The following FBH1 variants were observed in gnomAD, a reference collection of about 807,000 sequenced individuals.
FBH1 encodes the protein DNA 3'-5' helicase 1.
Under a neutral mutation model 115.5 loss-of-function variants are expected in FBH1, and 43 were observed. That is an observed-to-expected ratio of 0.37 (90% CI 0.29 to 0.48). FBH1 has a LOEUF of 0.48. Ranked by LOEUF, FBH1 falls within the 20% of genes least tolerant of loss-of-function variation. FBH1 has a pLI of 0.99. For synonymous variants in FBH1, 524 were observed against 507.8 expected, an observed-to-expected ratio of 1.03 and a Z score of -0.43; for missense variants, 1,001 against 1,337.3, an observed-to-expected ratio of 0.75 and a Z score of 3.92.
At position 5,895,021 on chromosome 10, in the gene FBH1, T is replaced by C. The variant is rs1303626875; in HGVS notation, c.1+4675T>C. 1 of 1,598,380 alleles carries C rather than the reference T, an allele frequency of 6.3e-7. No individual in the cohort carries two copies. The highest frequency in any genetic ancestry group is 2.3e-5 in the East Asian group (1 of 44,420). On this transcript the variant is annotated intron_variant, in intron 1 of 20. Coordinates refer to ENST00000362091, the MANE Select transcript of FBH1 (RefSeq NM_178150.3). The surrounding 1 kb of genome is among the most constrained non-coding windows in gnomAD (Gnocchi z 5.0). Reference sequence around the variant, plus strand: ...GTGCTGGAGTTGAGAGATAACACAGTTAACTGTTGAAATTGGGCCATTCCC... The same window carrying C: ...GTGCTGGAGTTGAGAGATAACACAGCTAACTGTTGAAATTGGGCCATTCCC...
chr10:5,936,598 T>C lies in FBH1; in HGVS notation c.2961+11T>C. The stretch of plus-strand genomic sequence containing the variant: ...CTGCCCATCACCTATGTACGTCTGC[T>C]GTCTGTGGAACTTAATTCAGCCATT... On this transcript the variant is annotated intron_variant, in intron 20 of 20. Coordinates refer to ENST00000362091, the MANE Select transcript of FBH1 (RefSeq NM_178150.3). This position sits in a 1 kb window ranked among gnomAD's most constrained non-coding sequence, Gnocchi z 5.6. The C allele has an allele frequency of 6.2e-7, 1 of 1,613,124 alleles. No individual in the cohort carries two copies.
chr10:5,924,242 C>G lies in FBH1; in HGVS notation c.2399-69C>G. 1 of 1,510,080 alleles carries G rather than the reference C, an allele frequency of 6.6e-7. No individual in the cohort carries two copies. Among genetic ancestry groups the G allele is most frequent in the Non-Finnish European group, 9.2e-7 (1 of 1,092,518 alleles). The allele number at this position is 1,510,080 out of a possible 1,614,324, so 93.5% of individuals were successfully genotyped here. ...CTGCTCTTGCGCAGCTGCTTAGGAA[C>G]GTGCAGCACCTGCCACCATCTGTTA... On this transcript the variant is annotated intron_variant, in intron 16 of 20. Transcript: ENST00000362091. The surrounding 1 kb of genome is among the most constrained non-coding windows in gnomAD (Gnocchi z 6.2).
In FBH1 at chr10:5,933,937, C is replaced by T. The variant is rs1261815675; in HGVS notation, c.2830-2519C>T. ...AAAGTGTTGGGATTATAGGCGTGAG[C>T]CACCATGTCCAGCCTTTTTTGTTGT... is the stretch of plus-strand genomic sequence containing the variant. On this transcript the variant is annotated intron_variant, in intron 19 of 20. Coordinates refer to ENST00000362091, the MANE Select transcript of FBH1 (RefSeq NM_178150.3). This position sits in a 1 kb window ranked among gnomAD's most constrained non-coding sequence, Gnocchi z 4.9. Among the ~76,000 whole-genome samples, 1 of 152,194 alleles carries T rather than the reference C, an allele frequency of 6.6e-6. No individual in the cohort carries two copies. Among genetic ancestry groups the T allele is most frequent in the Non-Finnish European group, 1.5e-5 (1 of 68,038 alleles).
At chr10:5,891,656 G>A (rs1169579698) in intron 1 of FBH1, among the ~76,000 whole-genome samples, 2 of 152,168 alleles carry the variant, frequency 1.3e-5, no homozygotes, top group Non-Finnish European at 2.9e-5. Flanking sequence ...GTTGCTCCGG[G>A]TGGAGTGCAG....
At chr10:5,919,024 G>C (rs1486164358) in intron 13 of FBH1, among the ~76,000 whole-genome samples, 1 of 152,216 alleles carries the variant, frequency 6.6e-6, no homozygotes, top group Non-Finnish European at 1.5e-5. Flanking sequence ...AGCCAAGACA[G>C]TATATCTCAG....
chr10:5,916,879 C>T (rs1335579266), intron 10 of FBH1, among the ~76,000 whole-genome samples: 2 of 152,162 alleles, frequency 1.3e-5, no homozygotes, highest in African/African-American at 4.8e-5. Flanking sequence ...CACTGGTGAC[C>T]ATCTCACTTA....
In FBH1 at chr10:5,931,809, T is replaced by C. The variant is rs1320931801; in HGVS notation, c.2829+4268T>C. Among the ~76,000 whole-genome samples the C allele has an allele frequency of 1.3e-5, 2 of 152,246 alleles. No individual in the cohort carries two copies. Among genetic ancestry groups the C allele is most frequent in the African/African-American group, 4.8e-5 (2 of 41,474 alleles). On this transcript the variant is annotated intron_variant, in intron 19 of 20. Coordinates refer to ENST00000362091, the MANE Select transcript of FBH1 (RefSeq NM_178150.3). The surrounding 1 kb of genome is among the most constrained non-coding windows in gnomAD (Gnocchi z 4.3). ...GTTGCTTTGCTTCTTTTTGATTTAATGATCTTTCTTGATGTGTAAGGCCTG... is the reference window on the plus strand; with the variant it reads ...GTTGCTTTGCTTCTTTTTGATTTAACGATCTTTCTTGATGTGTAAGGCCTG...
upstream of FBH1, chr10:5,890,227 G>C (rs1288112809): frequency 2.8e-6 from 1 of 355,462 alleles, no homozygotes; most frequent in African/African-American, 2.2e-5. Context: ...AAGTCGGCGG[G>C]CGTCTCGGGC....
Position 5,918,227 on chromosome 10 carries a change from A to C in FBH1, c.1964-115A>C. The C allele has an allele frequency of 7.7e-7, 1 of 1,295,906 alleles. No homozygotes were observed. The highest frequency in any genetic ancestry group is 1.4e-5 in the South Asian group (1 of 72,742). The allele number at this position is 1,295,906 out of a possible 1,614,324, so 80.3% of individuals were successfully genotyped here. On this transcript the variant is annotated intron_variant, in intron 12 of 20. Coordinates refer to ENST00000362091, the MANE Select transcript of FBH1 (RefSeq NM_178150.3). The surrounding 1 kb of genome is among the most constrained non-coding windows in gnomAD (Gnocchi z 4.0). ...TGTGCCTGTCCTACAGGAAAAGGCG[A>C]CCGTGAGGTCCAGTGTGCCCTGGCT...
chr10:5,914,886 C>T lies in FBH1; in HGVS notation c.1397-517C>T, dbSNP rs1403753483. Among the ~76,000 whole-genome samples the T allele has an allele frequency of 6.6e-6, 1 of 152,138 alleles. No homozygotes were observed. The highest frequency in any genetic ancestry group is 1.5e-5 in the Non-Finnish European group (1 of 68,034). On this transcript the variant is annotated intron_variant, in intron 8 of 20. Coordinates refer to ENST00000362091, the MANE Select transcript of FBH1 (RefSeq NM_178150.3). The surrounding 1 kb of genome is among the most constrained non-coding windows in gnomAD (Gnocchi z 5.2). ...TTTTGAATGCCTGCAGTGTGCTTGG[C>T]ATTGTGCTGATCCTGATAGCATTCC... is the stretch of plus-strand genomic sequence containing the variant.
chr10:5,916,225 G>A lies in FBH1; in HGVS notation c.1566-9G>A, dbSNP rs1415391068. 1.2e-6 allele frequency: 2 copies of A among 1,612,756 alleles called. No homozygotes were observed. The highest frequency in any genetic ancestry group is 1.7e-6 in the Non-Finnish European group (2 of 1,178,992). On this transcript the variant is annotated splice_polypyrimidine_tract_variant and intron_variant, in intron 9 of 20. Transcript: ENST00000362091. ...GCCACGTGCTGTTCATTTGGGATGG[G>A]TATTGCAGGTACCAGTCAAAGAAGA...
chr10:5,937,439 A>C lies in FBH1; in HGVS notation c.*159A>C, dbSNP rs1589130113. 1.5e-6 allele frequency: 1 copy of C among 670,782 alleles called. No homozygotes were observed. Among genetic ancestry groups the C allele is most frequent in the Non-Finnish European group, 2.2e-6 (1 of 453,390 alleles). The allele number at this position is 670,782 out of a possible 1,614,324, so 41.6% of individuals were successfully genotyped here. On this transcript the variant is annotated 3_prime_UTR_variant, in exon 21 of 21. Transcript: ENST00000362091. ...CCCAAGCTGGACCTGCCATTTCTCC[A>C]CTCCCTACAGACAGCCAGTCTCCAC... is the stretch of plus-strand genomic sequence containing the variant.
In FBH1 at chr10:5,921,533, G is replaced by T; in HGVS notation, c.2286G>T (p.Thr762=). ...ANVFDEAVRV[T]EGEFPSRIHL... is the part of the protein sequence containing the mutation. ...TGTTTGATGAGGCCGTACGGGTGAC[G>T]GAAGGGGAATTCCCTTCAAGGATAC... Residue 762 remains threonine (T), a synonymous_variant, in exon 15 of 21, where the codon ACG becomes ACT. Transcript: ENST00000362091. This position sits in a 1 kb window ranked among gnomAD's most constrained non-coding sequence, Gnocchi z 6.4. 1 of 1,594,854 alleles carries T rather than the reference G, an allele frequency of 6.3e-7. No individual in the cohort carries two copies. Among genetic ancestry groups the T allele is most frequent in the South Asian group, 1.1e-5 (1 of 87,106 alleles).
At chr10:5,901,496 T>G (rs960421505) in intron 1 of FBH1, among the ~76,000 whole-genome samples, 1 of 151,932 alleles carries the variant, frequency 6.6e-6, no homozygotes, top group African/African-American at 2.4e-5. Context: ...AATATGATAC[T>G]GGTAGAACCT....
At chr10:5,905,177 A>G (rs1010031894) in intron 2 of FBH1, 7 of 152,252 alleles carry the variant, frequency 4.6e-5, no homozygotes, top group Admixed American at 2.0e-4. Context: ...CTGAGTCCCG[A>G]CTTTTTATTT....
Position 5,903,000 on chromosome 10 carries a change from T to C in FBH1, c.2-20T>C, listed in dbSNP as rs1289988520. ...TAACTAATGAATATCCCCTTTCTTC[T>C]ACCTGCTGGTATGAAACAGTGAGAC... On this transcript the variant is annotated intron_variant, in intron 1 of 20. Coordinates refer to ENST00000362091, the MANE Select transcript of FBH1 (RefSeq NM_178150.3). 6.3e-7 allele frequency: 1 copy of C among 1,589,960 alleles called. No homozygotes were observed. The highest frequency in any genetic ancestry group is 1.7e-5 in the Admixed American group (1 of 57,638).
In FBH1 at chr10:5,937,410, C is replaced by G; in HGVS notation, c.*130C>G. 1 of 1,036,038 alleles carries G rather than the reference C, an allele frequency of 9.7e-7. No homozygotes were observed. Among genetic ancestry groups the G allele is most frequent in the Non-Finnish European group, 1.3e-6 (1 of 768,086 alleles). 64.2% of individuals were successfully genotyped at this position (1,036,038 alleles called of 1,614,324 possible). A position where few individuals can be genotyped will look rare whatever the true frequency, so the allele number is the denominator to read the frequency against. On this transcript the variant is annotated 3_prime_UTR_variant, in exon 21 of 21. Transcript: ENST00000362091. Reference sequence around the variant, plus strand: ...ACAGCACTTTCTGAGGAAGAGGACACCAGCCCAAGCTGGACCTGCCATTTC... The same window carrying G: ...ACAGCACTTTCTGAGGAAGAGGACAGCAGCCCAAGCTGGACCTGCCATTTC...
intron 2 of FBH1, among the ~76,000 whole-genome samples, chr10:5,904,308 C>T (rs773529656): frequency 6.6e-6 from 1 of 152,228 alleles, no homozygotes; most frequent in Non-Finnish European, 1.5e-5. Flanking sequence ...GCCAGGATTA[C>T]AGGTGCGAGC....
rs1051359388 is a variant in FBH1, at chr10:5,921,951, A to G, written c.2322+382A>G. ...ACCTAGGCTCTAGTTCTGACTGGTC[A>G]CTAACCGTGTGTGGCTTGGGGCAAG... On this transcript the variant is annotated intron_variant, in intron 15 of 20. Coordinates refer to ENST00000362091, the MANE Select transcript of FBH1 (RefSeq NM_178150.3). The surrounding 1 kb of genome is among the most constrained non-coding windows in gnomAD (Gnocchi z 6.4). Among the ~76,000 whole-genome samples the G allele has an allele frequency of 2.6e-5, 4 of 152,226 alleles. No homozygotes were observed. Among genetic ancestry groups the G allele is most frequent in the Non-Finnish European group, 5.9e-5 (4 of 68,034 alleles).
Sources: gnomAD v4.1 joint callset for allele counts (sites outside exome capture counted in the v4.1 genomes callset) on GRCh38, gnomAD v4.1.1 for gene constraint, Gnocchi (gnomAD v3.1) non-coding constraint, MANE v1.5 for transcripts, NCBI Gene and HGNC (gene_info 2026-07-23, HGNC 2026-07-21) for gene names.